TUSC3: variants seen among roughly 807,000 people sequenced by gnomAD.
The protein encoded by TUSC3 is tumor suppressor candidate 3.
TUSC3 carries 45 observed loss-of-function variants against 44.8 expected under a neutral mutation model. The observed-to-expected ratio is 1.00, with a 90% CI of 0.79 to 1.29. TUSC3 has a LOEUF of 1.29. TUSC3 is among the 50% of genes most tolerant of loss of function. TUSC3 has a pLI of 0.00. For missense variants in TUSC3, 519 were observed against 437.9 expected, an observed-to-expected ratio of 1.19 and a Z score of -1.65; for synonymous variants, 212 against 152.9, an observed-to-expected ratio of 1.39 and a Z score of -2.85.
chr8:15,631,280 T>G (rs1255653258), intron 2 of TUSC3, among the ~76,000 whole-genome samples: 4 of 152,222 alleles, frequency 2.6e-5, no homozygotes, highest in Non-Finnish European at 4.4e-5. Context: ...CTTTAGTGTG[T>G]TAACTTTCTT....
At chr8:15,723,252 A>G (rs909677698) in intron 6 of TUSC3, among the ~76,000 whole-genome samples, 2 of 152,142 alleles carry the variant, frequency 1.3e-5, no homozygotes, top group Non-Finnish European at 2.9e-5. Flanking sequence ...TTCAGCAGAG[A>G]CATTGCTAAA....
intron 1 of TUSC3, among the ~76,000 whole-genome samples, chr8:15,439,140 C>A (rs893581199): frequency 6.6e-6 from 1 of 152,140 alleles, no homozygotes; most frequent in African/African-American, 2.4e-5. Flanking sequence ...GAAGGGCTGA[C>A]CTTCACCCAT....
At chr8:15,465,599 A>G (rs1800404161) in intron 1 of TUSC3, among the ~76,000 whole-genome samples, 1 of 152,230 alleles carries the variant, frequency 6.6e-6, no homozygotes, top group African/African-American at 2.4e-5. Flanking sequence ...ATAAAACTGC[A>G]TTTACTATTT....
chr8:15,716,915 A>G (rs1397366996), intron 6 of TUSC3, among the ~76,000 whole-genome samples: 1 of 152,116 alleles, frequency 6.6e-6, no homozygotes, highest in Non-Finnish European at 1.5e-5. Context: ...AAAAAAATAG[A>G]GAATTGTAAT....
chr8:15,789,426 T>C, the TUSC3 span, among the ~76,000 whole-genome samples: 5 of 152,206 alleles, frequency 3.3e-5, no homozygotes, highest in African/African-American at 1.2e-4. Flanking sequence ...TTTGTTTTTT[T>C]AATTGTAGGT....
chr8:15,617,620 G>T (rs183330719), intron 1 of TUSC3, among the ~76,000 whole-genome samples: 36 of 152,254 alleles, frequency 2.4e-4, no homozygotes, highest in South Asian at 6.2e-4. Flanking sequence ...TACAGAAGTG[G>T]TAATACATAC....
intron 1 of TUSC3, among the ~76,000 whole-genome samples, chr8:15,582,877 A>G (rs969331253): frequency 4.0e-5 from 6 of 150,724 alleles, no homozygotes; most frequent in South Asian, 2.1e-4. Flanking sequence ...TCCTTTTTAG[A>G]AGACCTACAA....
intron 6 of TUSC3, among the ~76,000 whole-genome samples, chr8:15,709,787 T>A (rs1809767001): frequency 6.6e-6 from 1 of 151,850 alleles, no homozygotes; most frequent in Admixed American, 6.6e-5. Flanking sequence ...TAAATAGGGT[T>A]CCACTGCAAC....
chr8:15,562,716 C>G (rs1231561974), intron 1 of TUSC3, among the ~76,000 whole-genome samples: 1 of 152,072 alleles, frequency 6.6e-6, no homozygotes, highest in Admixed American at 6.5e-5. Context: ...GCTTGTGTTG[C>G]TCTCAGTTCT....
In TUSC3 at chr8:15,594,663, T is replaced by C. The variant is rs751076392; in HGVS notation, c.139-28417T>C. Among the ~76,000 whole-genome samples the C allele has an allele frequency of 3.9e-5, 6 of 152,212 alleles. No individual in the cohort carries two copies. The East Asian group carries it at 5.8e-4, about 15-fold the overall frequency. On this transcript the variant is annotated intron_variant, in intron 1 of 10. Transcript: ENST00000503731. ...TCTGAATACTCTACATAATGTCTTA[T>C]GAGATTTTTCAATTTGGCTGGTGGG...
intron 1 of TUSC3, among the ~76,000 whole-genome samples, chr8:15,430,620 T>G (rs938951930): frequency 1.3e-5 from 2 of 151,486 alleles, no homozygotes; most frequent in East Asian, 1.9e-4. Context: ...TGTTGGAAGT[T>G]CTGGCCAGGG....
chr8:15,547,675 C>A (rs1394994253), intron 1 of TUSC3, among the ~76,000 whole-genome samples: 2 of 147,266 alleles, frequency 1.4e-5, no homozygotes, highest in East Asian at 2.1e-4. Flanking sequence ...GGAGGTGGGG[C>A]CTTTGGGAAG....
At position 15,433,106 on chromosome 8, in the gene TUSC3, C is replaced by A. The variant is rs562227456; in HGVS notation, n.91+15801C>A. On this transcript the variant is annotated intron_variant and non_coding_transcript_variant, in intron 1 of 5. Coordinates refer to the TUSC3 transcript ENST00000503191. ...ATAAACAAATTTTACTCTGTCCCTGCATTTGCTAGTCCTTTTTGCATTTAT... is the reference window on the plus strand; with the variant it reads ...ATAAACAAATTTTACTCTGTCCCTGAATTTGCTAGTCCTTTTTGCATTTAT... Among the ~76,000 whole-genome samples, 570 of 152,270 alleles carry A rather than the reference C, an allele frequency of 3.7e-3. 4 individuals are homozygous for A. The highest frequency in any genetic ancestry group is 6.4e-3 in the Non-Finnish European group (437 of 68,014).
At chr8:15,560,390 C>T (rs1232950568) in intron 1 of TUSC3, among the ~76,000 whole-genome samples, 18 of 142,094 alleles carry the variant, frequency 1.3e-4, no homozygotes, top group African/African-American at 4.6e-4. Context: ...GTCTGATGGG[C>T]TTCCCTTTGA....
intron 2 of TUSC3, among the ~76,000 whole-genome samples, chr8:15,640,447 C>T (rs890073177): frequency 2.6e-5 from 4 of 152,182 alleles, no homozygotes; most frequent in African/African-American, 7.2e-5. Context: ...AATCACCAAA[C>T]GTGGTGATGG....
chr8:15,789,712 G>C, the TUSC3 span, among the ~76,000 whole-genome samples: 1 of 152,058 alleles, frequency 6.6e-6, no homozygotes, highest in Non-Finnish European at 1.5e-5. Context: ...TGAAACATTT[G>C]CCAGGAGCCA....
intron 4 of TUSC3, 107 bp from the exon 5 acceptor site, chr8:15,662,049 G>A (rs746207292): frequency 2.1e-5 from 26 of 1,230,706 alleles, no homozygotes; most frequent in East Asian, 7.5e-5. Context: ...AAAGTTGGGT[G>A]GCATGTTTCT....
chr8:15,541,566 C>T (rs1018318635), intron 1 of TUSC3, among the ~76,000 whole-genome samples: 2 of 152,078 alleles, frequency 1.3e-5, no homozygotes, highest in African/African-American at 4.8e-5. Context: ...GTGATTGTTT[C>T]CCTTTCTCTT....
intron 2 of TUSC3, among the ~76,000 whole-genome samples, chr8:15,649,071 A>G (rs1806766856): frequency 6.6e-6 from 1 of 152,158 alleles, no homozygotes; most frequent in African/African-American, 2.4e-5. Context: ...TGATAAATAC[A>G]ATATCTTTTC....
Sources: allele counts gnomAD v4.1 joint callset (sites outside exome capture counted in the v4.1 genomes callset), GRCh38; gene constraint gnomAD v4.1.1; transcripts MANE v1.5; gene names NCBI Gene and HGNC (gene_info 2026-07-23, HGNC 2026-07-21).